Variants in LAMA3 observed in about 807,000 individuals in gnomAD.
LAMA3 encodes the protein laminin subunit alpha 3, also known as laminin subunit alpha-3.
In LAMA3, 281 loss-of-function variants were observed where a neutral mutation model predicts 402.0. The ratio of observed to expected loss-of-function variants is 0.70; its 90% CI spans 0.63 to 0.77. The LOEUF is 0.77. Ranked by LOEUF, LAMA3 falls within the 30% of genes least tolerant of loss-of-function variation. The pLI is 0.00. For missense variants in LAMA3, 3,840 were observed against 4,215.5 expected (o/e 0.91, Z 2.47); for synonymous variants, 1,431 against 1,558.4 (o/e 0.92, Z 1.93).
At chr18:23,725,362 C>T (rs565211272) in intron 2 of LAMA3, among the ~76,000 whole-genome samples, 4 of 152,188 alleles carry the variant, frequency 2.6e-5, no homozygotes, top group Non-Finnish European at 2.9e-5. Context: ...CCACCTGCCT[C>T]GGCTTCCCAA....
Position 23,709,747 on chromosome 18 carries a change from C to T in LAMA3, c.295-4173C>T. ...GAAGTCCCATGGATTCTTTTCTCTT[C>T]TGCTCCACAAGTTTGATTGTCTTTT... On this transcript the variant is annotated intron_variant, in intron 1 of 74. Transcript: ENST00000313654. 7 of 523,194 alleles carry T rather than the reference C, an allele frequency of 1.3e-5. 1 individual carries two copies. Among genetic ancestry groups the T allele is most frequent in the South Asian group, 1.2e-4 (7 of 58,460 alleles). 32.4% of individuals were successfully genotyped at this position (523,194 alleles called of 1,614,324 possible).
chr18:23,748,950 T>C (rs972195059), intron 3 of LAMA3, among the ~76,000 whole-genome samples: 5 of 152,218 alleles, frequency 3.3e-5, no homozygotes, highest in Non-Finnish European at 5.9e-5. Context: ...TGTGAATTGA[T>C]GAGATGACTT....
chr18:23,842,487 G>C lies in LAMA3; in HGVS notation c.3429G>C (p.Ala1143=). The part of the protein sequence containing the change: ...FYQAAHPTFP[A]QVSVDGGWPR... ...AAGCAGCGCACCCGACGTTTCCCGC[G>C]CAGGTGTCGGTGGATGGCGGGTGGC... Residue 1143 remains alanine (A), a synonymous_variant, in exon 28 of 75, where the codon GCG becomes GCC. Transcript: ENST00000313654. 6.2e-7 allele frequency: 1 copy of C among 1,614,218 alleles called. No individual in the cohort carries two copies. The highest frequency in any genetic ancestry group is 1.7e-5 in the Admixed American group (1 of 60,032).
At chr18:23,699,024 T>TAGAGAGAGAGAGAGAGAGAGAGAG (rs34691495) in intron 1 of LAMA3, among the ~76,000 whole-genome samples, 54 of 142,556 alleles carry the variant, frequency 3.8e-4, no homozygotes, top group African/African-American at 1.4e-3. Flanking sequence ...GGCGGGCAGA[T>TAGAGAGAGAGAGAGAGAGAGAGAG]AGAGAGAGAG....
In LAMA3 at chr18:23,928,752, A is replaced by G. The variant is rs1284996202; in HGVS notation, c.8423A>G (p.Asp2808Gly). 6.2e-7 allele frequency: 1 copy of G among 1,613,932 alleles called. No individual in the cohort carries two copies. Among genetic ancestry groups the G allele is most frequent in the South Asian group, 1.1e-5 (1 of 91,080 alleles). The part of the protein sequence containing the change: ...QTFQPSGILL[D>G]HQTWTRNLQV... ...TTTCAACCCAGTGGCATATTATTAG[A>G]TCATCAGACATGGGTATGCAGTAGT... The change falls in exon 64 of 75, where the codon GAT becomes GGT. Residue 2808 changes from aspartate (D) to glycine (G), a missense_variant. Physicochemically the swap from Asp to Gly is moderately conservative, Grantham distance 94. This residue lies in a region of LAMA3 where 840 missense variants were observed against 981.9 expected (regional missense o/e 0.86). Transcript: ENST00000313654.
In LAMA3 at chr18:23,784,131, G is replaced by T. The variant is rs768717636; in HGVS notation, c.1577G>T (p.Gly526Val). ...CCTCGATGTGATACCTGCCGCTCTG[G>T]TTTCTACTCATTCCCTATTTGCCAA... is the stretch of plus-strand genomic sequence containing the variant. ...EGPRCDTCRSGFYSFPICQAC... is the reference protein window; with the variant it reads ...EGPRCDTCRSVFYSFPICQAC... Residue 526 changes from glycine to valine, a missense_variant, in exon 12 of 75, where the codon GGT (glycine) becomes GTT (valine). Gly to Val is a moderately radical substitution (Grantham distance 109, BLOSUM62 -3). Coordinates refer to ENST00000313654, the MANE Select transcript of LAMA3 (RefSeq NM_198129.4). 2 of 1,614,088 alleles carry T rather than the reference G, an allele frequency of 1.2e-6. No homozygotes were observed.
At chr18:23,924,422 G>C (rs567453268) in intron 62 of LAMA3, among the ~76,000 whole-genome samples, 41 of 152,184 alleles carry the variant, frequency 2.7e-4, no homozygotes, top group African/African-American at 9.2e-4. Flanking sequence ...AAAATGCTGT[G>C]ATTACAGGCA....
At chr18:23,786,172 A>G (rs752584752) in intron 12 of LAMA3, among the ~76,000 whole-genome samples, 34 of 152,352 alleles carry the variant, frequency 2.2e-4, no homozygotes, top group African/African-American at 3.4e-4. Context: ...GTAAGAAATG[A>G]GAGTCTCTGT....
rs750324789 is a variant in LAMA3 at position 23,689,845 on chromosome 18, G to C, written c.162G>C (p.Leu54=). ...GCCTTCACCCGACTTACTTCAACCT[G>C]GCCGAGGCGGCGAGGATTTGGGCCA... ...GLSLHPTYFN[L]AEAARIWATA... is the part of the protein sequence containing the mutation. The change falls in exon 1 of 75, where the codon CTG becomes CTC. Residue 54 remains leucine, a synonymous_variant. Coordinates refer to ENST00000313654, the MANE Select transcript of LAMA3 (RefSeq NM_198129.4). 1.3e-6 allele frequency: 2 copies of C among 1,553,432 alleles called. No individual in the cohort carries two copies. Among genetic ancestry groups the C allele is most frequent in the Admixed American group, 3.8e-5 (2 of 52,788 alleles).
chr18:23,860,257 TTTTC>T (rs1158525383), intron 34 of LAMA3, among the ~76,000 whole-genome samples: 1 of 123,504 alleles, frequency 8.1e-6, no homozygotes, highest in Non-Finnish European at 1.8e-5. Context: ...GTCACTTTTC[TTTTC>T]TTTTTTTTTT....
At chr18:23,912,652 G>C in intron 55 of LAMA3, 59 bp from the exon 56 acceptor site, 1 of 1,440,518 alleles carries the variant, frequency 6.9e-7, no homozygotes, top group Non-Finnish European at 9.8e-7. Flanking sequence ...CTAGCTCTCT[G>C]AGCACACCTA....
rs60711151 is a variant in LAMA3, at chr18:23,884,047, G to GGT, written c.5223-675_5223-674dup. Among the ~76,000 whole-genome samples, 1,048 of 138,834 alleles carry GGT rather than the reference G, an allele frequency of 7.5e-3. 5 individuals carry two copies. The highest frequency in any genetic ancestry group is 0.011 in the African/African-American group (423 of 38,148). 91.1% of individuals were successfully genotyped at this position (138,834 alleles called of 152,430 possible). A position where few individuals can be genotyped will look rare whatever the true frequency, so the allele number is the denominator to read the frequency against. Reference sequence around the variant, plus strand: ...AACAGGGCTTTTTCATGGTCTCTTTGGTGTGTGTGTGTGTGTGTGTGTGTG... The same window carrying GGT: ...AACAGGGCTTTTTCATGGTCTCTTTGGTGTGTGTGTGTGTGTGTGTGTGTGTG... On this transcript the variant is annotated intron_variant, in intron 40 of 74. Coordinates refer to ENST00000313654, the MANE Select transcript of LAMA3 (RefSeq NM_198129.4).
At chr18:23,931,662 T>C (rs181641709) in intron 65 of LAMA3, 83 of 209,672 alleles carry the variant, frequency 4.0e-4, no homozygotes, top group African/African-American at 1.8e-3. Context: ...GTGGAAAACA[T>C]TGAGTCACAC....
At chr18:23,943,474 G>A (rs2082595596) in intron 68 of LAMA3, among the ~76,000 whole-genome samples, 3 of 152,130 alleles carry the variant, frequency 2.0e-5, no homozygotes, top group Non-Finnish European at 4.4e-5. Context: ...TTAAAACATG[G>A]ACTTTTTATA....
chr18:23,936,462 T>C (rs1318869295), intron 67 of LAMA3, among the ~76,000 whole-genome samples: 5 of 147,664 alleles, frequency 3.4e-5, no homozygotes, highest in East Asian at 2.1e-4. Context: ...TTAAGACTCT[T>C]AAGCACAAAG....
At chr18:23,882,417 G>A (rs1568294060) in intron 40 of LAMA3, among the ~76,000 whole-genome samples, 1 of 152,024 alleles carries the variant, frequency 6.6e-6, no homozygotes, top group African/African-American at 2.4e-5. Context: ...ATCACTTGAG[G>A]TCAGGAGTTC....
chr18:23,779,494 G>A (rs1051133684), intron 11 of LAMA3, among the ~76,000 whole-genome samples: 1 of 152,078 alleles, frequency 6.6e-6, no homozygotes, highest in Non-Finnish European at 1.5e-5. Flanking sequence ...GGGCTCTGGG[G>A]TGACTCCAAG....
chr18:23,915,862 C>T (rs373907461), intron 59 of LAMA3, among the ~76,000 whole-genome samples: 3 of 151,414 alleles, frequency 2.0e-5, no homozygotes, highest in East Asian at 1.9e-4. Context: ...AAAAATCAGC[C>T]GAGTGTGATG....
At chr18:23,891,127 A>G (rs2080646234) in intron 42 of LAMA3, among the ~76,000 whole-genome samples, 1 of 152,244 alleles carries the variant, frequency 6.6e-6, no homozygotes, top group Non-Finnish European at 1.5e-5. Flanking sequence ...AGTGGGGCAC[A>G]GATGCTTATG....
Sources: allele counts gnomAD v4.1 joint callset (sites outside exome capture counted in the v4.1 genomes callset), GRCh38; gene constraint gnomAD v4.1.1; regional missense constraint gnomAD v4.1.1; transcripts MANE v1.5; gene names NCBI Gene and HGNC (gene_info 2026-07-23, HGNC 2026-07-21).